The following HIVEP2 variants were observed in gnomAD, a reference collection of about 807,000 sequenced individuals.
HIVEP2 encodes HIVEP zinc finger 2, also known as transcription factor HIVEP2.
In HIVEP2, 14 loss-of-function variants were observed where a neutral mutation model predicts 180.7. That is an observed-to-expected ratio of 0.08 (90% CI 0.05 to 0.12). The LOEUF is 0.12. Among genes scored for constraint, HIVEP2 ranks in the 10% least tolerant of loss-of-function variants. The pLI, the probability that HIVEP2 is intolerant of heterozygous loss-of-function variation, is 1.00. For synonymous variants in HIVEP2, 1,184 were observed against 1,136.4 expected (o/e 1.04, Z -0.84); for missense variants, 2,579 against 3,008.5 (o/e 0.86, Z 3.34).
chr6:142,796,490 TAAGG>T (rs1776281825), intron 2 of HIVEP2, among the ~76,000 whole-genome samples: 2 of 152,108 alleles, frequency 1.3e-5, no homozygotes, highest in Non-Finnish European at 1.5e-5. Flanking sequence ...AAGAAAATCA[TAAGG>T]AAGTGAAAAT....
chr6:142,878,963 C>T (rs1379116316), intron 1 of HIVEP2, among the ~76,000 whole-genome samples: 1 of 151,818 alleles, frequency 6.6e-6, no homozygotes, highest in Non-Finnish European at 1.5e-5. Flanking sequence ...ACTGTGTGGC[C>T]CTGGATATGT....
intron 2 of HIVEP2, among the ~76,000 whole-genome samples, chr6:142,828,385 C>G (rs183502146): frequency 1.3e-5 from 2 of 152,190 alleles, no homozygotes; most frequent in Non-Finnish European, 2.9e-5. Context: ...TTCTCATAAT[C>G]TTTGCTCAAC....
chr6:142,844,184 G>T (rs1364857585), intron 1 of HIVEP2, among the ~76,000 whole-genome samples: 1 of 151,978 alleles, frequency 6.6e-6, no homozygotes, highest in Non-Finnish European at 1.5e-5. Flanking sequence ...AATCTTAAAA[G>T]AGTTTTTCCT....
chr6:142,861,311 T>C (rs1452257708), intron 1 of HIVEP2, among the ~76,000 whole-genome samples: 3 of 152,356 alleles, frequency 2.0e-5, no homozygotes, highest in African/African-American at 7.2e-5. Flanking sequence ...GATTCATACA[T>C]AAAATGAAAT....
chr6:142,866,601 A>G (rs1314643407), intron 1 of HIVEP2, among the ~76,000 whole-genome samples: 1 of 152,160 alleles, frequency 6.6e-6, no homozygotes, highest in Non-Finnish European at 1.5e-5. Flanking sequence ...ATGAGCATTT[A>G]GTCTGGGAGA....
At chr6:142,767,712 T>C (rs966075782) in intron 6 of HIVEP2, among the ~76,000 whole-genome samples, 1 of 152,264 alleles carries the variant, frequency 6.6e-6, no homozygotes, top group Non-Finnish European at 1.5e-5. Flanking sequence ...TACATATGTG[T>C]AATTTTTCTT....
chr6:142,820,599 T>C (rs1475112107), intron 2 of HIVEP2, among the ~76,000 whole-genome samples: 1 of 152,212 alleles, frequency 6.6e-6, no homozygotes, highest in East Asian at 1.9e-4. Context: ...CTGCATTTAT[T>C]AGTCAATCAC....
In HIVEP2 at chr6:142,774,508, C is replaced by A. The variant is rs1775643202; in HGVS notation, c.231G>T (p.Gln77His). The change falls in exon 5 of 10, where the codon CAG (glutamine) becomes CAT (histidine). Residue 77 changes from glutamine to histidine, a missense_variant. Around this residue, in one of 11 missense-constraint regions of HIVEP2, gnomAD observed 207 missense variants for 210.1 expected, o/e 0.99. Coordinates refer to ENST00000367603, the MANE Select transcript of HIVEP2 (RefSeq NM_006734.4). This position sits in a 1 kb window ranked among gnomAD's most constrained non-coding sequence, Gnocchi z 5.1. ...GTGGATATTGCTTCTCTGCGACTTG[C>A]TGCACCACTTCACTAGGGGAGGCCA... ...GKLASPSEVVQQVAEKQYPPH... is the reference protein window; with the variant it reads ...GKLASPSEVVHQVAEKQYPPH... The A allele has an allele frequency of 6.2e-7, 1 of 1,614,178 alleles. No homozygotes were observed. Among genetic ancestry groups the A allele is most frequent in the Non-Finnish European group, 8.5e-7 (1 of 1,180,028 alleles).
intron 1 of HIVEP2, among the ~76,000 whole-genome samples, chr6:142,924,100 T>C (rs867407754): frequency 1.5e-4 from 23 of 152,230 alleles, no homozygotes; most frequent in Admixed American, 6.5e-4. Flanking sequence ...ATGATTAGAA[T>C]AGTAAATAAA....
chr6:142,865,957 A>C (rs1469210481), intron 1 of HIVEP2, among the ~76,000 whole-genome samples: 3 of 152,174 alleles, frequency 2.0e-5, no homozygotes, highest in African/African-American at 7.2e-5. Context: ...TGAGGATCAG[A>C]CCTTGGTTCG....
At chr6:142,776,746 T>C (rs1775711838) in intron 3 of HIVEP2, among the ~76,000 whole-genome samples, 1 of 152,216 alleles carries the variant, frequency 6.6e-6, no homozygotes, top group African/African-American at 2.4e-5. Flanking sequence ...TTGCCCAGGC[T>C]GGTCTCAAAC....
intron 2 of HIVEP2, among the ~76,000 whole-genome samples, chr6:142,818,744 A>G (rs1162728760): frequency 1.2e-4 from 16 of 138,100 alleles, no homozygotes; most frequent in African/African-American, 4.5e-4. Context: ...AAAGAAAGAA[A>G]GAAAGAAAGA....
chr6:142,892,502 T>G (rs1302352901), intron 1 of HIVEP2, among the ~76,000 whole-genome samples: 2 of 152,174 alleles, frequency 1.3e-5, no homozygotes, highest in Non-Finnish European at 2.9e-5. Flanking sequence ...GGCTAGTGGT[T>G]CTTAAAGGGA....
intron 3 of HIVEP2, among the ~76,000 whole-genome samples, chr6:142,782,045 G>A (rs553179939): frequency 6.6e-6 from 1 of 152,204 alleles, no homozygotes; most frequent in African/African-American, 2.4e-5. Flanking sequence ...AATAATGACG[G>A]TATACAATGA....
intron 3 of HIVEP2, among the ~76,000 whole-genome samples, chr6:142,776,422 G>T (rs899393918): frequency 6.6e-5 from 10 of 152,060 alleles, no homozygotes; most frequent in African/African-American, 2.4e-4. Flanking sequence ...AAACATCATA[G>T]TAATATTTTC....
At chr6:142,909,586 C>CA (rs77127448) in intron 1 of HIVEP2, among the ~76,000 whole-genome samples, 10,759 of 152,036 alleles carry the variant, frequency 0.071, 491 homozygotes, top group East Asian at 0.17. Context: ...ATCTAAAATG[C>CA]AAAAAAACCA....
At position 142,769,981 on chromosome 6, in the gene HIVEP2, T is replaced by G. The variant is rs1775481502; in HGVS notation, c.4758A>C (p.Ser1586=). 1.2e-6 allele frequency: 2 copies of G among 1,614,100 alleles called. No individual in the cohort carries two copies. The highest frequency in any genetic ancestry group is 1.7e-6 in the Non-Finnish European group (2 of 1,180,032). Reference sequence around the variant, plus strand: ...CCAGCTGACCATCTCCTGCTGGTAATGAAGAACTCTGTGGGCTCATGCTCA... The same window carrying G: ...CCAGCTGACCATCTCCTGCTGGTAAGGAAGAACTCTGTGGGCTCATGCTCA... The part of the protein sequence containing the change: ...SDMSMSPQSS[S]LPAGDGQLEE... The change falls in exon 5 of 10, where the codon TCA becomes TCC. Residue 1586 remains serine, a synonymous_variant. Coordinates refer to ENST00000367603, the MANE Select transcript of HIVEP2 (RefSeq NM_006734.4).
intron 2 of HIVEP2, among the ~76,000 whole-genome samples, chr6:142,821,628 T>C (rs1425114851): frequency 6.6e-6 from 1 of 152,240 alleles, no homozygotes; most frequent in Non-Finnish European, 1.5e-5. Context: ...TATTTTTCTG[T>C]TGATATTTCA....
rs1777100656 is a variant in HIVEP2 at position 142,900,250 on chromosome 6, A to C, written c.-641+44849T>G. The stretch of plus-strand genomic sequence containing the variant: ...TGGTGATGCTGTCACTTTTGAATGA[A>C]GAAACTAAACAAAGGACTGGGGAAA... On this transcript the variant is annotated intron_variant, in intron 1 of 9. Transcript: ENST00000367603. Among the ~76,000 whole-genome samples the C allele has an allele frequency of 3.3e-5, 5 of 152,320 alleles. No homozygotes were observed. In the South Asian group the frequency reaches 1.0e-3, roughly 32 times the overall value.
Sources: gnomAD v4.1 joint callset for allele counts (sites outside exome capture counted in the v4.1 genomes callset) on GRCh38, gnomAD v4.1.1 for gene constraint, gnomAD v4.1.1 regional missense constraint, Gnocchi (gnomAD v3.1) non-coding constraint, MANE v1.5 for transcripts, NCBI Gene and HGNC (gene_info 2026-07-23, HGNC 2026-07-21) for gene names.